The following LYSMD4 variants were observed in gnomAD, a reference collection of about 807,000 sequenced individuals.
LYSMD4 encodes the protein lysM and putative peptidoglycan-binding domain-containing protein 4.
Under a neutral mutation model 6.1 loss-of-function variants are expected in LYSMD4, and 9 were observed. The ratio of observed to expected loss-of-function variants is 1.47; its 90% CI spans 0.88 to 2.56. The LOEUF is 2.56. Among genes scored for constraint, LYSMD4 ranks in the 30% most tolerant of loss-of-function variants. LYSMD4 has a pLI of 0.00. For missense variants in LYSMD4, 384 were observed against 373.5 expected, an observed-to-expected ratio of 1.03 and a Z score of -0.23; for synonymous variants, 143 against 148.5, an observed-to-expected ratio of 0.96 and a Z score of 0.27.
At chr15:99,724,044 C>A (rs1292976664), downstream of LYSMD4, among the ~76,000 whole-genome samples, 2 of 150,928 alleles carry the variant, frequency 1.3e-5, no homozygotes, top group African/African-American at 5.0e-5. Context: ...CTACATAGTC[C>A]CCCGTTTCCA....
downstream of LYSMD4, among the ~76,000 whole-genome samples, chr15:99,726,615 G>A (rs569833556): frequency 4.6e-5 from 7 of 152,206 alleles, no homozygotes; most frequent in East Asian, 1.4e-3. Context: ...TGGCGGTTCT[G>A]GGTGACCCTG....
At chr15:99,725,287 C>T (rs375288643), downstream of LYSMD4, among the ~76,000 whole-genome samples, 15 of 152,186 alleles carry the variant, frequency 9.9e-5, no homozygotes, top group African/African-American at 2.9e-4. Context: ...TTTCCATTAT[C>T]TCAAGTAGCA....
downstream of LYSMD4, among the ~76,000 whole-genome samples, chr15:99,726,155 T>TTTG (rs2059279366): frequency 7.4e-6 from 1 of 135,846 alleles, no homozygotes; most frequent in Non-Finnish European, 1.6e-5. Flanking sequence ...GGTTTTTTTT[T>TTTG]TTTTTTTTTT....
At chr15:99,726,319 T>C (rs2059281988), downstream of LYSMD4, among the ~76,000 whole-genome samples, 1 of 152,010 alleles carries the variant, frequency 6.6e-6, no homozygotes, top group Non-Finnish European at 1.5e-5. Flanking sequence ...AATTTTTGTA[T>C]TTTTAGTAGA....
exon 1 of LYSMD4, chr15:99,716,276 C>T (rs767244259): frequency 2.5e-4 from 84 of 340,878 alleles, no homozygotes; most frequent in Non-Finnish European, 1.2e-4. Context: ...AACCGTTTGG[C>T]GGCACAAGCT....
intron 2 of LYSMD4, chr15:99,731,462 G>A (rs1256763564): frequency 3.8e-6 from 6 of 1,599,592 alleles, no homozygotes; most frequent in Non-Finnish European, 5.1e-6. Flanking sequence ...TCAGTGTGGA[G>A]AAAACAGGAA....
intron 2 of LYSMD4, among the ~76,000 whole-genome samples, chr15:99,730,473 T>A (rs1015761378): frequency 2.0e-4 from 30 of 152,220 alleles, no homozygotes; most frequent in African/African-American, 7.0e-4. Flanking sequence ...CAAACTAATG[T>A]TTGAAAACTT....
downstream of LYSMD4, among the ~76,000 whole-genome samples, chr15:99,723,026 GTTTT>G (rs1312703675): frequency 6.6e-6 from 1 of 151,538 alleles, no homozygotes; most frequent in Non-Finnish European, 1.5e-5. Context: ...GCAAGACTCT[GTTTT>G]GTTTTGTTTT....
downstream of LYSMD4, among the ~76,000 whole-genome samples, chr15:99,726,541 G>T (rs1379380535): frequency 6.6e-6 from 1 of 152,128 alleles, no homozygotes; most frequent in East Asian, 1.9e-4. Context: ...GCATGGCGGG[G>T]CCTTGACTGT....
rs575746430 is a variant in LYSMD4 at position 99,732,438 on chromosome 15, A to T, written c.-8-431T>A. On this transcript the variant is annotated intron_variant, in intron 1 of 2. Transcript: ENST00000684762. The stretch of plus-strand genomic sequence containing the variant: ...TTGTATTCAATATTTTACACATTGC[A>T]AAGTATCTTCACTAAGAAGGTCAGC... Among the ~76,000 whole-genome samples, 8 of 152,362 alleles carry T rather than the reference A, an allele frequency of 5.3e-5. No individual in the cohort carries two copies. In the South Asian group the frequency reaches 1.4e-3, roughly 28 times the overall value.
At chr15:99,723,900 T>C (rs1253443977), downstream of LYSMD4, among the ~76,000 whole-genome samples, 3 of 144,442 alleles carry the variant, frequency 2.1e-5, no homozygotes, top group African/African-American at 8.7e-5. Flanking sequence ...GTCCATCAAA[T>C]CATGTCCAGA....
At chr15:99,717,759 A>G (rs1420047892) in exon 1 of LYSMD4, 3 of 152,178 alleles carry the variant, frequency 2.0e-5, no homozygotes, top group Non-Finnish European at 4.4e-5. Context: ...CAGGGCCTAC[A>G]CTCCAGTCAC....
chr15:99,729,480 C>T lies in LYSMD4; in HGVS notation c.534G>A (p.Glu178=). The T allele has an allele frequency of 6.2e-7, 1 of 1,614,152 alleles. No individual in the cohort carries two copies. Among genetic ancestry groups the T allele is most frequent in the Non-Finnish European group, 8.5e-7 (1 of 1,180,034 alleles). Residue 178 remains glutamate (E), a synonymous_variant, in exon 3 of 3, where the codon GAG becomes GAA. Coordinates refer to ENST00000684762, the MANE Select transcript of LYSMD4 (RefSeq NM_001284417.2). ...GFFKGIDQDI[E]RAVQSEIFLH... is the part of the protein sequence containing the mutation. Reference sequence around the variant, plus strand: ...GAAAGATTTCTGACTGCACTGCACGCTCAATATCCTGGTCAATCCCCTTAA... The same window carrying T: ...GAAAGATTTCTGACTGCACTGCACGTTCAATATCCTGGTCAATCCCCTTAA...
chr15:99,732,731 C>T (rs529323529), intron 1 of LYSMD4, among the ~76,000 whole-genome samples: 1 of 152,250 alleles, frequency 6.6e-6, no homozygotes, highest in Non-Finnish European at 1.5e-5. Flanking sequence ...CTCAAACACG[C>T]GGGCTGACAA....
rs1332617053 is a variant in LYSMD4 at position 99,733,363 on chromosome 15, CCGCGACCGGCGACCGGCGACT to C, written c.-48_-28del. 21 of 394,842 alleles carry C rather than the reference CCGCGACCGGCGACCGGCGACT, an allele frequency of 5.3e-5. No homozygotes were observed. The highest frequency in any genetic ancestry group is 1.3e-4 in the South Asian group (1 of 7,852). 24.5% of individuals were successfully genotyped at this position (394,842 alleles called of 1,614,324 possible). ...CCGGTACCTCAGCGCCCAGGCTCCG[CCGCGACCGGCGACCGGCGACT>C]CGCGACCCGCGACCCGCGACCCGCA... On this transcript the variant is annotated 5_prime_UTR_variant, in exon 1 of 3. Transcript: ENST00000684762.
chr15:99,731,607 T>TC, intron 2 of LYSMD4, 111 bp downstream of exon 2: 1 of 1,523,230 alleles, frequency 6.6e-7, no homozygotes, highest in Non-Finnish European at 8.8e-7. Context: ...ACAGCAGGCC[T>TC]CTCCTGACGG....
chr15:99,731,534 G>A, intron 2 of LYSMD4, 184 bp downstream of exon 2: 1 of 1,547,860 alleles, frequency 6.5e-7, no homozygotes. Context: ...GGCCAGGGTT[G>A]GGAACTAAAG....
At chr15:99,716,840 C>CTGTT (rs929423617) in exon 1 of LYSMD4, 10 of 367,118 alleles carry the variant, frequency 2.7e-5, no homozygotes, top group Admixed American at 1.4e-4. Flanking sequence ...ACGCCAAAGC[C>CTGTT]TGTTAGAGGG....
At chr15:99,733,136 G>T (rs1000577811) in intron 1 of LYSMD4, 4 of 369,854 alleles carry the variant, frequency 1.1e-5, no homozygotes, top group African/African-American at 4.2e-5. Context: ...CCAGAGGGCA[G>T]AACCTCTGAC....
Sources: allele counts gnomAD v4.1 joint callset (sites outside exome capture counted in the v4.1 genomes callset), GRCh38; gene constraint gnomAD v4.1.1; transcripts MANE v1.5; gene names NCBI Gene and HGNC (gene_info 2026-07-23, HGNC 2026-07-21).